Variants in OPCML observed in about 807,000 individuals in gnomAD.
OPCML encodes opioid-binding protein/cell adhesion molecule.
A neutral mutation model predicts 37.8 loss-of-function variants in OPCML; 13 were observed. The observed-to-expected ratio is 0.34, with a 90% CI of 0.22 to 0.55. OPCML has a LOEUF of 0.55. Among genes scored for constraint, OPCML ranks in the 20% least tolerant of loss-of-function variants. OPCML has a pLI of 0.91. For synonymous variants in OPCML, 176 were observed against 168.8 expected, an observed-to-expected ratio of 1.04 and a Z score of -0.33; for missense variants, 341 against 435.6, an observed-to-expected ratio of 0.78 and a Z score of 1.93.
At chr11:133,308,957 T>A (rs570826776) in intron 1 of OPCML, among the ~76,000 whole-genome samples, 1 of 152,304 alleles carries the variant, frequency 6.6e-6, no homozygotes, top group Admixed American at 6.5e-5. Flanking sequence ...TTCACATTGA[T>A]ATAAACGAAT....
At position 132,688,813 on chromosome 11, in the gene OPCML, G is replaced by A. The variant is rs1943275840; in HGVS notation, c.147-31494C>T. Among the ~76,000 whole-genome samples, 2 of 83,412 alleles carry A rather than the reference G, an allele frequency of 2.4e-5. 1 individual carries two copies. Among genetic ancestry groups the A allele is most frequent in the Non-Finnish European group, 4.8e-5 (2 of 41,360 alleles). 54.7% of individuals were successfully genotyped at this position (83,412 alleles called of 152,430 possible). On this transcript the variant is annotated intron_variant, in intron 2 of 7. Coordinates refer to ENST00000524381, the MANE Select transcript of OPCML (RefSeq NM_001012393.5). ...AAAATACAAAAAATTAGCCGGGCGC[G>A]GTGGCGGGCGCCTGTAGTCCCAGCT...
Position 132,786,940 on chromosome 11 carries a change from T to C in OPCML, c.147-129621A>G, listed in dbSNP as rs147827305. ...GTGAGAGCAAGCGTGGGGCATGGAG[T>C]AGGAAGTTCTAGCCTAGACCAGCCT... On this transcript the variant is annotated intron_variant, in intron 2 of 7. Coordinates refer to ENST00000524381, the MANE Select transcript of OPCML (RefSeq NM_001012393.5). Among the ~76,000 whole-genome samples, 347 of 151,798 alleles carry C rather than the reference T, an allele frequency of 2.3e-3. 2 individuals carry two copies. The highest frequency in any genetic ancestry group is 8.0e-3 in the African/African-American group (330 of 41,398).
chr11:132,421,208 A>G (rs1184960213), intron 7 of OPCML, among the ~76,000 whole-genome samples: 1 of 152,194 alleles, frequency 6.6e-6, no homozygotes. Context: ...GCAAGCACAT[A>G]GGGTGGTACG....
chr11:132,572,720 G>A (rs1417748402), intron 3 of OPCML, among the ~76,000 whole-genome samples: 1 of 151,952 alleles, frequency 6.6e-6, no homozygotes, highest in Non-Finnish European at 1.5e-5. Flanking sequence ...GGATTGATTG[G>A]TCTATTCCTA....
intron 2 of OPCML, among the ~76,000 whole-genome samples, chr11:132,927,514 C>T (rs1423118421): frequency 6.6e-6 from 1 of 152,032 alleles, no homozygotes; most frequent in Non-Finnish European, 1.5e-5. Context: ...TTAAGACATC[C>T]CCATATAAAC....
At chr11:133,247,098 T>A (rs1227898812) in intron 1 of OPCML, among the ~76,000 whole-genome samples, 1 of 152,124 alleles carries the variant, frequency 6.6e-6, no homozygotes, top group African/African-American at 2.4e-5. Context: ...GGATATATAA[T>A]CTAAAGCTTA....
intron 2 of OPCML, among the ~76,000 whole-genome samples, chr11:132,685,705 G>C (rs781375917): frequency 1.4e-4 from 21 of 152,180 alleles, no homozygotes; most frequent in Non-Finnish European, 2.2e-4. Flanking sequence ...TTTGAGAAAA[G>C]GAAGAAAGAT....
intron 2 of OPCML, among the ~76,000 whole-genome samples, chr11:132,821,872 C>T (rs368366653): frequency 1.3e-5 from 2 of 152,236 alleles, no homozygotes; most frequent in Middle Eastern, 3.4e-3. Flanking sequence ...TGGATTCAAT[C>T]TCCCATGGCT....
intron 1 of OPCML, among the ~76,000 whole-genome samples, chr11:132,986,611 C>A (rs1334881961): frequency 1.3e-5 from 2 of 152,006 alleles, no homozygotes; most frequent in Non-Finnish European, 2.9e-5. Context: ...AATCCTCGAA[C>A]AAATAAATAA....
At chr11:132,965,959 A>C (rs1384957006) in intron 1 of OPCML, among the ~76,000 whole-genome samples, 1 of 152,048 alleles carries the variant, frequency 6.6e-6, no homozygotes, top group Non-Finnish European at 1.5e-5. Flanking sequence ...GACTAGCCAA[A>C]GGTTTGTCAA....
At chr11:133,491,456 T>C (rs1167992724) in intron 1 of OPCML, among the ~76,000 whole-genome samples, 1 of 152,152 alleles carries the variant, frequency 6.6e-6, no homozygotes, top group African/African-American at 2.4e-5. Flanking sequence ...AACATTCTTA[T>C]TGTGTGGTTA....
At chr11:132,869,951 C>T (rs1302976354) in intron 2 of OPCML, among the ~76,000 whole-genome samples, 1 of 152,134 alleles carries the variant, frequency 6.6e-6, no homozygotes, top group Non-Finnish European at 1.5e-5. Context: ...GAAAAACAGT[C>T]AAACATCATC....
chr11:132,952,619 A>G (rs1239962508), intron 1 of OPCML, among the ~76,000 whole-genome samples: 1 of 152,170 alleles, frequency 6.6e-6, no homozygotes, highest in African/African-American at 2.4e-5. Context: ...CCTAGAATGC[A>G]TCTGCCTGGA....
Position 132,555,920 on chromosome 11 carries a change from G to A in OPCML, c.380-26734C>T, listed in dbSNP as rs145348975. On this transcript the variant is annotated intron_variant, in intron 3 of 7. Transcript: ENST00000524381. ...GAACTTCAAAGGATTATATCAAAAC[G>A]TTTCTTGTTTCAATAAAAATTTTGG... Among the ~76,000 whole-genome samples, 23 of 151,964 alleles carry A rather than the reference G, an allele frequency of 1.5e-4. No individual in the cohort carries two copies. In the East Asian group the frequency reaches 2.9e-3, roughly 19 times the overall value.
intron 1 of OPCML, among the ~76,000 whole-genome samples, chr11:133,504,252 T>A (rs1308968760): frequency 6.6e-6 from 1 of 152,232 alleles, no homozygotes; most frequent in Non-Finnish European, 1.5e-5. Flanking sequence ...AATCCAAGGT[T>A]GCCTGACATC....
At chr11:132,779,679 T>C (rs542939096) in intron 2 of OPCML, among the ~76,000 whole-genome samples, 1 of 152,074 alleles carries the variant, frequency 6.6e-6, no homozygotes, top group African/African-American at 2.4e-5. Flanking sequence ...TCAGCCTGAA[T>C]GTGTGGCCCT....
At chr11:133,354,208 GTGGTGA>G (rs1944211123) in intron 1 of OPCML, among the ~76,000 whole-genome samples, 1 of 97,488 alleles carries the variant, frequency 1.0e-5, no homozygotes, top group Non-Finnish European at 2.1e-5. Flanking sequence ...GTTGATGGTG[GTGGTGA>G]TGATGCTGGT....
At chr11:133,313,243 G>C (rs952169940) in intron 1 of OPCML, among the ~76,000 whole-genome samples, 1 of 152,144 alleles carries the variant, frequency 6.6e-6, no homozygotes, top group African/African-American at 2.4e-5. Context: ...CAGTCAATAT[G>C]TATTTGATAA....
chr11:133,016,071 A>G (rs1947329711), intron 1 of OPCML, among the ~76,000 whole-genome samples: 1 of 152,202 alleles, frequency 6.6e-6, no homozygotes, highest in Non-Finnish European at 1.5e-5. Flanking sequence ...CCGAAAGGAC[A>G]GGGCTCTATT....
Sources: allele counts gnomAD v4.1 joint callset (sites outside exome capture counted in the v4.1 genomes callset), GRCh38; gene constraint gnomAD v4.1.1; transcripts MANE v1.5; gene names NCBI Gene and HGNC (gene_info 2026-07-23, HGNC 2026-07-21).